The following RO60 variants were observed in gnomAD, a reference collection of about 807,000 sequenced individuals.
RO60 encodes the protein RNA-binding protein RO60.
Under a neutral mutation model 55.3 loss-of-function variants are expected in RO60, and 20 were observed. The observed-to-expected ratio is 0.36, with a 90% CI of 0.25 to 0.53. The LOEUF is 0.53. RO60 is among the 20% of genes least tolerant of loss of function. The pLI is 0.92. For synonymous variants in RO60, 213 were observed against 213.6 expected (o/e 1.00, Z 0.02); for missense variants, 558 against 646.6 (o/e 0.86, Z 1.49).
chr1:193,078,270 G>T (rs1186208167), intron 5 of RO60, among the ~76,000 whole-genome samples: 1 of 152,134 alleles, frequency 6.6e-6, no homozygotes, highest in Non-Finnish European at 1.5e-5. Context: ...AAAGTCCAGA[G>T]ATTTAAAAAA....
At chr1:193,075,767 G>C in intron 2 of RO60, 53 bp from the exon 3 acceptor site, 1 of 1,365,876 alleles carries the variant, frequency 7.3e-7, no homozygotes, top group Non-Finnish European at 1.0e-6. Flanking sequence ...AACATGTTCT[G>C]TTTTTTTACT....
chr1:193,060,070 C>G, intron 1 of RO60: 1 of 1,308,628 alleles, frequency 7.6e-7, no homozygotes, highest in Non-Finnish European at 1.0e-6. Context: ...AGGCCGACGT[C>G]GAGAGGGCCT....
chr1:193,071,634 C>T (rs954712064), intron 2 of RO60, among the ~76,000 whole-genome samples: 1 of 151,706 alleles, frequency 6.6e-6, no homozygotes, highest in African/African-American at 2.4e-5. Flanking sequence ...GAACACTTAA[C>T]TGTTGTCATT....
rs1674672387 is a variant in RO60, at chr1:193,087,578, C to T, written c.*2847C>T. 1.3e-5 allele frequency: 2 copies of T among 152,068 alleles called. No homozygotes were observed. The highest frequency in any genetic ancestry group is 4.8e-5 in the African/African-American group (2 of 41,416). 9.4% of individuals were successfully genotyped at this position (152,068 alleles called of 1,614,324 possible). A position where few individuals can be genotyped will look rare whatever the true frequency, so the allele number is the denominator to read the frequency against. The stretch of plus-strand genomic sequence containing the variant: ...GTGTTACCCTTTGACACCTCCTTTG[C>T]TTTATCTAACTTACTGTGTGACTGT... On this transcript the variant is annotated 3_prime_UTR_variant, in exon 9 of 9. Coordinates refer to ENST00000400968, the MANE Select transcript of RO60 (RefSeq NM_001173524.2).
intron 2 of RO60, among the ~76,000 whole-genome samples, chr1:193,072,470 C>T (rs1415170006): frequency 6.7e-6 from 1 of 150,108 alleles, no homozygotes; most frequent in Non-Finnish European, 1.5e-5. Flanking sequence ...TTCTGGCACA[C>T]TAAAGTTTTG....
In RO60 at chr1:193,089,163, CAGTT is replaced by C. The variant is rs1294199093; in HGVS notation, c.*4434_*4437del. ...GCAGAAATTCTGTGGCCTTTAAGAT[CAGTT>C]ATTCAGCCTTTGTAATTATGTTATC... On this transcript the variant is annotated 3_prime_UTR_variant, in exon 9 of 9. Coordinates refer to ENST00000400968, the MANE Select transcript of RO60 (RefSeq NM_001173524.2). 5 of 152,104 alleles carry C rather than the reference CAGTT, an allele frequency of 3.3e-5. No individual in the cohort carries two copies. Among genetic ancestry groups the C allele is most frequent in the Non-Finnish European group, 5.9e-5 (4 of 68,016 alleles). 9.4% of individuals were successfully genotyped at this position (152,104 alleles called of 1,614,324 possible).
chr1:193,088,162 C>CTTTTTTTTTTTTTTTT lies in RO60; in HGVS notation c.*3447_*3462dup, dbSNP rs145943712. On this transcript the variant is annotated 3_prime_UTR_variant, in exon 9 of 9. Transcript: ENST00000400968. ...GGTGTGCACTGCACTACCACGCCTG[C>CTTTTTTTTTTTTTTTT]TTTTTTTTTTTTTTTTTTTTTTTTT... is the stretch of plus-strand genomic sequence containing the variant. The CTTTTTTTTTTTTTTTT allele has an allele frequency of 4.5e-5, 2 of 44,394 alleles. No individual in the cohort carries two copies. Among genetic ancestry groups the CTTTTTTTTTTTTTTTT allele is most frequent in the African/African-American group, 2.3e-4 (2 of 8,736 alleles). 2.8% of individuals were successfully genotyped at this position (44,394 alleles called of 1,614,324 possible).
chr1:193,070,593 C>T (rs1436789420), intron 2 of RO60: 1 of 449,170 alleles, frequency 2.2e-6, no homozygotes. Flanking sequence ...GGTGGGTTCA[C>T]ATTTCAGTTC....
Position 193,069,607 on chromosome 1 carries a change from T to C in RO60, c.553T>C (p.Leu185=). The change falls in exon 2 of 9, where the codon TTG becomes CTG. Residue 185 remains leucine (L), a synonymous_variant. Coordinates refer to ENST00000400968, the MANE Select transcript of RO60 (RefSeq NM_001173524.2). The part of the protein sequence containing the change: ...NGWSHKDLLR[L]SHLKPSSEGL... The stretch of plus-strand genomic sequence containing the variant: ...CTGGTCTCACAAAGATCTATTAAGA[T>C]TGTCACATCTTAAACCTTCCAGTGA... 1.2e-6 allele frequency: 2 copies of C among 1,613,344 alleles called. No individual in the cohort carries two copies. The highest frequency in any genetic ancestry group is 8.5e-7 in the Non-Finnish European group (1 of 1,179,424).
chr1:193,079,630 A>G (rs1485894162), intron 5 of RO60, among the ~76,000 whole-genome samples: 2 of 152,300 alleles, frequency 1.3e-5, no homozygotes, highest in East Asian at 3.9e-4. Flanking sequence ...AAACTTAAAC[A>G]TTTTGTATAT....
In RO60 at chr1:193,082,590, T is replaced by A; in HGVS notation, c.1346T>A (p.Leu449His). 1 of 1,613,960 alleles carries A rather than the reference T, an allele frequency of 6.2e-7. No individual in the cohort carries two copies. ...CCAGCAGGTGGAACTGATTGCTCTC[T>A]TCCAATGATCTGGGCTCAGAAGACA... ...QIPAGGTDCS[L>H]PMIWAQKTNT... The change falls in exon 8 of 9, where the codon CTT becomes CAT. Residue 449 changes from leucine (L) to histidine (H), a missense_variant. Transcript: ENST00000400968.
At position 193,075,743 on chromosome 1, in the gene RO60, A is replaced by G. The variant is rs1301530455; in HGVS notation, c.581-77A>G. 2.8e-6 allele frequency: 3 copies of G among 1,053,752 alleles called. No homozygotes were observed. In the African/African-American group the frequency reaches 4.8e-5, roughly 17 times the overall value. The allele number at this position is 1,053,752 out of a possible 1,614,324, so 65.3% of individuals were successfully genotyped here. A position where few individuals can be genotyped will look rare whatever the true frequency, so the allele number is the denominator to read the frequency against. On this transcript the variant is annotated intron_variant, in intron 2 of 8. Coordinates refer to ENST00000400968, the MANE Select transcript of RO60 (RefSeq NM_001173524.2). ...TGTATCCAGTTATGTTGATCATATA[A>G]TGCATTTTGAGGAAACATGTTCTGT...
chr1:193,071,088 A>G (rs1673460353), intron 2 of RO60, among the ~76,000 whole-genome samples: 1 of 152,176 alleles, frequency 6.6e-6, no homozygotes, highest in Non-Finnish European at 1.5e-5. Flanking sequence ...ATCATCAGGC[A>G]TCAGATTCTC....
At chr1:193,075,128 C>T (rs191117627) in intron 2 of RO60, among the ~76,000 whole-genome samples, 21 of 152,208 alleles carry the variant, frequency 1.4e-4, no homozygotes, top group East Asian at 1.4e-3. Flanking sequence ...GTAATCCAAT[C>T]CCTGCTGTTT....
rs530682740 is a variant in RO60, at chr1:193,083,982, A to G, written c.1465-597A>G. 2.0e-5 allele frequency among the ~76,000 whole-genome samples: 3 copies of G among 152,342 alleles called. No homozygotes were observed. In the South Asian group the frequency reaches 6.2e-4, roughly 32 times the overall value. On this transcript the variant is annotated intron_variant, in intron 8 of 8. Transcript: ENST00000400968. ...AAATTATTTAACTGATCTACATCAT[A>G]GTAAGTTACTTACCTCTTAGAGTTG...
In RO60 at chr1:193,076,956, A is replaced by G; in HGVS notation, c.992A>G (p.Tyr331Cys). 6.2e-7 allele frequency: 1 copy of G among 1,613,212 alleles called. No homozygotes were observed. The highest frequency in any genetic ancestry group is 8.5e-7 in the Non-Finnish European group (1 of 1,179,444). ...CATATTTTGATCGCATTAGAAACTT[A>G]CAAGACAGGTCATGGTCTCAGAGGG... ...PFHILIALET[Y>C]KTGHGLRGKL... Residue 331 changes from tyrosine (Y) to cysteine (C), a missense_variant, in exon 5 of 9, where the codon TAC becomes TGC. Coordinates refer to ENST00000400968, the MANE Select transcript of RO60 (RefSeq NM_001173524.2).
At chr1:193,072,792 ATAAT>A (rs879300686) in intron 2 of RO60, among the ~76,000 whole-genome samples, 1 of 152,192 alleles carries the variant, frequency 6.6e-6, no homozygotes, top group Non-Finnish European at 1.5e-5. Context: ...ACTTGTGAAA[ATAAT>A]TATTCTGTGC....
chr1:193,068,278 C>G (rs1179691175), intron 1 of RO60, among the ~76,000 whole-genome samples: 1 of 152,172 alleles, frequency 6.6e-6, no homozygotes, highest in Admixed American at 6.5e-5. Context: ...CACTGCAGAC[C>G]TACTAAATTA....
In RO60 at chr1:193,084,757, A is replaced by G. The variant is rs1250316527; in HGVS notation, c.*26A>G. 1.3e-6 allele frequency: 2 copies of G among 1,597,774 alleles called. No homozygotes were observed. The highest frequency in any genetic ancestry group is 1.7e-6 in the Non-Finnish European group (2 of 1,173,920). On this transcript the variant is annotated 3_prime_UTR_variant, in exon 9 of 9. Transcript: ENST00000400968. ...CCATAAGCAGCAGCACGATCCAGAG[A>G]TCCATTGCCATCAGTGATCTCACTA...
Sources: gnomAD v4.1 joint callset for allele counts (sites outside exome capture counted in the v4.1 genomes callset) on GRCh38, gnomAD v4.1.1 for gene constraint, MANE v1.5 for transcripts, NCBI Gene and HGNC (gene_info 2026-07-23, HGNC 2026-07-21) for gene names.